The following PI4K2B variants were observed in gnomAD, a reference collection of about 807,000 sequenced individuals.
PI4K2B encodes phosphatidylinositol 4-kinase type 2 beta, also known as phosphatidylinositol 4-kinase type 2-beta.
A neutral mutation model predicts 56.6 loss-of-function variants in PI4K2B; 46 were observed. The ratio of observed to expected loss-of-function variants is 0.81; its 90% CI spans 0.64 to 1.04. PI4K2B has a LOEUF of 1.04. PI4K2B is among the 50% of genes least tolerant of loss of function. The pLI, the probability that PI4K2B is intolerant of heterozygous loss-of-function variation, is 0.00. For synonymous variants in PI4K2B, 211 were observed against 223.8 expected (o/e 0.94, Z 0.51); for missense variants, 556 against 607.7 (o/e 0.91, Z 0.89).
chr4:25,243,721 G>A lies in PI4K2B; in HGVS notation c.269-8600G>A, dbSNP rs191926131. Among the ~76,000 whole-genome samples, 404 of 152,316 alleles carry A rather than the reference G, an allele frequency of 2.7e-3. 1 individual carries two copies. The highest frequency in any genetic ancestry group is 4.4e-3 in the Non-Finnish European group (296 of 68,026). Reference sequence around the variant, plus strand: ...TTCTTAAGGCCTCTCGTAGCCGCTCGAGGAAGGCAGAAGGATTTTCTTCCT... The same window carrying A: ...TTCTTAAGGCCTCTCGTAGCCGCTCAAGGAAGGCAGAAGGATTTTCTTCCT... On this transcript the variant is annotated intron_variant, in intron 1 of 9. Transcript: ENST00000264864.
At position 25,255,176 on chromosome 4, in the gene PI4K2B, T is replaced by C. The variant is rs1560373452; in HGVS notation, c.535T>C (p.Cys179Arg). 2 of 1,614,052 alleles carry C rather than the reference T, an allele frequency of 1.2e-6. No individual in the cohort carries two copies. The highest frequency in any genetic ancestry group is 1.7e-5 in the Admixed American group (1 of 60,028). The part of the protein sequence containing the change: ...VCCPCCFGRG[C>R]LIPNQGYLSE... ...CTGCCCTTGCTGCTTTGGCCGAGGCTGCCTGATTCCTAATCAGGGGTACCT... is the reference window on the plus strand; with the variant it reads ...CTGCCCTTGCTGCTTTGGCCGAGGCCGCCTGATTCCTAATCAGGGGTACCT... The change falls in exon 3 of 10, where the codon TGC (cysteine) becomes CGC (arginine). Residue 179 changes from cysteine (C) to arginine (R), a missense_variant. By Grantham distance (180) the Cys-to-Arg change is radical. Coordinates refer to ENST00000264864, the MANE Select transcript of PI4K2B (RefSeq NM_018323.4).
Position 25,234,288 on chromosome 4 carries a change from C to G in PI4K2B, c.125C>G (p.Ala42Gly). ...GCCTGGGCCCACCCGCGGAGAGGCGCCCCAGGCAGCGCCGTGAGGCTGCTG... is the reference window on the plus strand; with the variant it reads ...GCCTGGGCCCACCCGCGGAGAGGCGGCCCAGGCAGCGCCGTGAGGCTGCTG... ...RIAWAHPRRG[A>G]PGSAVRLLDA... Residue 42 changes from alanine to glycine, a missense_variant, in exon 1 of 10, where the codon GCC becomes GGC. Physicochemically the swap from Ala to Gly is moderately conservative, Grantham distance 60. Coordinates refer to ENST00000264864, the MANE Select transcript of PI4K2B (RefSeq NM_018323.4). 7.0e-7 allele frequency: 1 copy of G among 1,419,362 alleles called. No individual in the cohort carries two copies. Among genetic ancestry groups the G allele is most frequent in the African/African-American group, 1.5e-5 (1 of 67,676 alleles). 87.9% of individuals were successfully genotyped at this position (1,419,362 alleles called of 1,614,324 possible). A position where few individuals can be genotyped will look rare whatever the true frequency, so the allele number is the denominator to read the frequency against.
intron 1 of PI4K2B, among the ~76,000 whole-genome samples, chr4:25,243,499 TTTTCC>T (rs368223981): frequency 4.4e-4 from 67 of 152,326 alleles, no homozygotes; most frequent in African/African-American, 1.6e-3. Context: ...CTGATCTTGC[TTTTCC>T]TTTTGGGCCC....
intron 1 of PI4K2B, among the ~76,000 whole-genome samples, chr4:25,246,237 G>T (rs914278906): frequency 2.0e-5 from 3 of 152,074 alleles, no homozygotes; most frequent in Admixed American, 2.0e-4. Context: ...TGCCACTGCT[G>T]GTTCGGGCAG....
chr4:25,258,921 TAA>T lies in PI4K2B; in HGVS notation c.757-115_757-114del, dbSNP rs1716354367. ...AAATGTGGCTTATCTAAATTAGTGTTAAGTTTTCTTATTGTGTTTACATGACA... is the reference window on the plus strand; with the variant it reads ...AAATGTGGCTTATCTAAATTAGTGTTGTTTTCTTATTGTGTTTACATGACA... On this transcript the variant is annotated intron_variant, in intron 4 of 9. Transcript: ENST00000264864. 9.8e-6 allele frequency: 5 copies of T among 510,422 alleles called. 1 individual carries two copies. In the South Asian group the frequency reaches 1.7e-4, roughly 17 times the overall value. 31.6% of individuals were successfully genotyped at this position (510,422 alleles called of 1,614,324 possible). A position where few individuals can be genotyped will look rare whatever the true frequency, so the allele number is the denominator to read the frequency against.
In PI4K2B at chr4:25,268,478, G is replaced by C. The variant is rs761033072; in HGVS notation, c.1114G>C (p.Val372Leu). Reference sequence around the variant, plus strand: ...CTGGGCTTGGCTTCCTCAAGCAAAAGTTCCCTTTTCTGAAGAAATAAGAAA... The same window carrying C: ...CTGGGCTTGGCTTCCTCAAGCAAAACTTCCCTTTTCTGAAGAAATAAGAAA... ...FHWAWLPQAK[V>L]PFSEEIRNLI... Residue 372 changes from valine to leucine, a missense_variant, in exon 8 of 10, where the codon GTT becomes CTT. Val to Leu is a conservative substitution (Grantham distance 32). Transcript: ENST00000264864. 6.2e-7 allele frequency: 1 copy of C among 1,605,094 alleles called. No homozygotes were observed. Among genetic ancestry groups the C allele is most frequent in the Non-Finnish European group, 8.5e-7 (1 of 1,175,594 alleles).
At chr4:25,266,504 A>G (rs1320194366) in intron 7 of PI4K2B, among the ~76,000 whole-genome samples, 1 of 152,026 alleles carries the variant, frequency 6.6e-6, no homozygotes, top group African/African-American at 2.4e-5. Context: ...TTTTTTTCCT[A>G]TTAAACGTGA....
At chr4:25,251,253 T>C (rs1252904264) in intron 1 of PI4K2B, among the ~76,000 whole-genome samples, 3 of 152,178 alleles carry the variant, frequency 2.0e-5, no homozygotes, top group Non-Finnish European at 4.4e-5. Context: ...ATTTTGTGAT[T>C]GCTGCTTATT....
intron 8 of PI4K2B, 148 bp downstream of exon 8, chr4:25,268,724 T>G (rs1012481756): frequency 1.7e-5 from 10 of 578,794 alleles, no homozygotes; most frequent in African/African-American, 1.7e-4. Flanking sequence ...GCAGTTTTAT[T>G]TACAGGAGCA....
rs1377596523 is a variant in PI4K2B at position 25,278,141 on chromosome 4, A to G, written c.*954A>G. ...TGTACTTGAAATTACAGATGTTATTATAATTACAGTCAAATGTAGACTATC... is the reference window on the plus strand; with the variant it reads ...TGTACTTGAAATTACAGATGTTATTGTAATTACAGTCAAATGTAGACTATC... On this transcript the variant is annotated 3_prime_UTR_variant, in exon 10 of 10. Transcript: ENST00000264864. 1.3e-5 allele frequency: 2 copies of G among 152,218 alleles called. No individual in the cohort carries two copies. Among genetic ancestry groups the G allele is most frequent in the Non-Finnish European group, 2.9e-5 (2 of 68,020 alleles). The allele number at this position is 152,218 out of a possible 1,614,324, so 9.4% of individuals were successfully genotyped here. A position where few individuals can be genotyped will look rare whatever the true frequency, so the allele number is the denominator to read the frequency against.
intron 9 of PI4K2B, among the ~76,000 whole-genome samples, chr4:25,272,433 A>G (rs796312965): frequency 1.3e-5 from 2 of 152,290 alleles, no homozygotes; most frequent in African/African-American, 4.8e-5. Flanking sequence ...CCGATAGCCA[A>G]AAAAGATAAT....
intron 1 of PI4K2B, among the ~76,000 whole-genome samples, chr4:25,249,559 G>C (rs1192853332): frequency 6.9e-6 from 1 of 145,766 alleles, no homozygotes; most frequent in South Asian, 2.2e-4. Context: ...CTGCCGGGCG[G>C]AGGGGCTCCT....
At chr4:25,250,231 G>GGGGAGA (rs1209843190) in intron 1 of PI4K2B, among the ~76,000 whole-genome samples, 2 of 152,078 alleles carry the variant, frequency 1.3e-5, no homozygotes, top group African/African-American at 2.4e-5. Context: ...AGAGGGGAGA[G>GGGGAGA]GGGAGAGGGA....
chr4:25,266,611 C>T (rs1226038822), intron 7 of PI4K2B, among the ~76,000 whole-genome samples: 1 of 152,062 alleles, frequency 6.6e-6, no homozygotes, highest in African/African-American at 2.4e-5. Context: ...GGTTTGGAAC[C>T]TTTATGCAAA....
chr4:25,276,565 C>T (rs1159293342), intron 9 of PI4K2B: 12 of 756,982 alleles, frequency 1.6e-5, no homozygotes, highest in African/African-American at 5.7e-5. Flanking sequence ...CTAGCACTTA[C>T]AGCAGAACCT....
Position 25,255,191 on chromosome 4 carries a change from CA to C in PI4K2B, c.551del (p.Gln184ArgfsTer18). 3 of 1,614,158 alleles carry C rather than the reference CA, an allele frequency of 1.9e-6. No homozygotes were observed. Among genetic ancestry groups the C allele is most frequent in the Non-Finnish European group, 2.5e-6 (3 of 1,179,994 alleles). ...CFGRGCLIPNQGYLSEAGAYL... is the reference protein window; with the variant it reads ...CFGRGCLIPNXGYLSEAGAYL... ...TGGCCGAGGCTGCCTGATTCCTAAT[CA>C]GGGGTACCTTTCCGAAGCGGGTGCC... On this transcript the variant is annotated frameshift_variant, in exon 3 of 10. Transcript: ENST00000264864. LOFTEE classifies it high-confidence loss of function.
chr4:25,235,473 C>A (rs543223723), intron 1 of PI4K2B, among the ~76,000 whole-genome samples: 1 of 152,280 alleles, frequency 6.6e-6, no homozygotes, highest in East Asian at 1.9e-4. Flanking sequence ...CACTCAAGTT[C>A]TAGCTAGAGG....
chr4:25,255,286 A>G, intron 3 of PI4K2B, 21 bp downstream of exon 3: 1 of 1,586,856 alleles, frequency 6.3e-7, no homozygotes, highest in Non-Finnish European at 8.7e-7. Flanking sequence ...CTTTATTTTT[A>G]ACCATGGACT....
chr4:25,238,065 TG>T (rs1485574586), intron 1 of PI4K2B, among the ~76,000 whole-genome samples: 2 of 152,166 alleles, frequency 1.3e-5, no homozygotes, highest in African/African-American at 4.8e-5. Context: ...TAATGATTCA[TG>T]GTGGTTTATA....
Sources: gnomAD v4.1 joint callset for allele counts (sites outside exome capture counted in the v4.1 genomes callset) on GRCh38, gnomAD v4.1.1 for gene constraint, MANE v1.5 for transcripts, NCBI Gene and HGNC (gene_info 2026-07-23, HGNC 2026-07-21) for gene names.